Variants in UBLCP1 observed in about 807,000 individuals in gnomAD.
The protein encoded by UBLCP1 is ubiquitin like domain containing CTD phosphatase 1.
A neutral mutation model predicts 42.4 loss-of-function variants in UBLCP1; 28 were observed. That is an observed-to-expected ratio of 0.66 (90% CI 0.49 to 0.90). The LOEUF is 0.90. Ranked by LOEUF, UBLCP1 falls within the 40% of genes least tolerant of loss-of-function variation. The pLI is 0.00. For synonymous variants in UBLCP1, 122 were observed against 120.8 expected, an observed-to-expected ratio of 1.01 and a Z score of -0.07; for missense variants, 279 against 374.5, an observed-to-expected ratio of 0.75 and a Z score of 2.10.
In UBLCP1 at chr5:159,277,220, C is replaced by CA. The variant is rs763877791; in HGVS notation, c.685-1009dup. Among the ~76,000 whole-genome samples the CA allele has an allele frequency of 8.2e-4, 120 of 147,084 alleles. 1 individual carries two copies. Among genetic ancestry groups the CA allele is most frequent in the African/African-American group, 2.6e-3 (105 of 40,140 alleles). On this transcript the variant is annotated intron_variant, in intron 8 of 10. Transcript: ENST00000296786. ...TTTCGGTAGTAAACAAGATCAGTAG[C>CA]AAAAAAAAATCAGGAAAGTAAAATT... is the stretch of plus-strand genomic sequence containing the variant.
chr5:159,268,857 T>A lies in UBLCP1; in HGVS notation c.-46-13T>A. 1.3e-6 allele frequency: 2 copies of A among 1,562,866 alleles called. No individual in the cohort carries two copies. Among genetic ancestry groups the A allele is most frequent in the South Asian group, 2.4e-5 (2 of 84,054 alleles). On this transcript the variant is annotated splice_polypyrimidine_tract_variant and intron_variant, in intron 1 of 10. Coordinates refer to ENST00000296786, the MANE Select transcript of UBLCP1 (RefSeq NM_145049.5). ...ATCTATTTTAACTTGTTCATTTTTGTCTTCCTTTCCAGGTATTTTTTTTTC... is the reference window on the plus strand; with the variant it reads ...ATCTATTTTAACTTGTTCATTTTTGACTTCCTTTCCAGGTATTTTTTTTTC...
At chr5:159,264,723 A>G (rs774875076) in intron 1 of UBLCP1, among the ~76,000 whole-genome samples, 5 of 152,206 alleles carry the variant, frequency 3.3e-5, no homozygotes, top group Non-Finnish European at 7.3e-5. Context: ...ACAGATTCCT[A>G]GGTCCCTTCT....
At chr5:159,264,794 AG>A (rs1489411436) in intron 1 of UBLCP1, among the ~76,000 whole-genome samples, 3 of 152,222 alleles carry the variant, frequency 2.0e-5, no homozygotes, top group Admixed American at 6.5e-5. Flanking sequence ...TCGTTAGCCC[AG>A]GGACCATGCT....
In UBLCP1 at chr5:159,285,196, CCACA is replaced by C. The variant is rs70987962; in HGVS notation, c.*310_*313del. On this transcript the variant is annotated 3_prime_UTR_variant, in exon 11 of 11. Transcript: ENST00000296786. ...GGTTACTGACCACCCCACCCTCCCA[CCACA>C]CACACACACACACACACACACACAC... 0.016 allele frequency: 4,065 copies of C among 251,874 alleles called. 96 individuals are homozygous for C. Among genetic ancestry groups the C allele is most frequent in the African/African-American group, 0.056 (1,712 of 30,730 alleles). The allele number at this position is 251,874 out of a possible 1,614,324, so 15.6% of individuals were successfully genotyped here.
intron 1 of UBLCP1, among the ~76,000 whole-genome samples, chr5:159,265,748 A>C (rs1016698057): frequency 6.6e-6 from 1 of 152,108 alleles, no homozygotes; most frequent in African/African-American, 2.4e-5. Flanking sequence ...GCCATGTAAG[A>C]AGTGCTTTTT....
chr5:159,275,473 T>C, intron 8 of UBLCP1: 5 of 287,938 alleles, frequency 1.7e-5, no homozygotes, highest in South Asian at 3.7e-5. Context: ...AGTGCAGTGG[T>C]GCAATCTCGC....
At chr5:159,264,754 T>C (rs556230762) in intron 1 of UBLCP1, among the ~76,000 whole-genome samples, 1 of 152,342 alleles carries the variant, frequency 6.6e-6, no homozygotes, top group South Asian at 2.1e-4. Context: ...ATTACATTTC[T>C]ACCAAATTAC....
chr5:159,277,064 T>G (rs1753548290), intron 8 of UBLCP1, among the ~76,000 whole-genome samples: 1 of 152,150 alleles, frequency 6.6e-6, no homozygotes, highest in African/African-American at 2.4e-5. Flanking sequence ...ATTCTGGATG[T>G]CATAAAAAAT....
In UBLCP1 at chr5:159,285,736, G is replaced by A. The variant is rs1201490316; in HGVS notation, c.*805G>A. The A allele has an allele frequency of 3.3e-5, 5 of 152,456 alleles. No homozygotes were observed. The highest frequency in any genetic ancestry group is 1.2e-4 in the African/African-American group (5 of 41,424). The allele number at this position is 152,456 out of a possible 1,614,324, so 9.4% of individuals were successfully genotyped here. A position where few individuals can be genotyped will look rare whatever the true frequency, so the allele number is the denominator to read the frequency against. On this transcript the variant is annotated 3_prime_UTR_variant, in exon 11 of 11. Transcript: ENST00000296786. Reference sequence around the variant, plus strand: ...TTAAAGGCAATAAATTTTTAAAAGGGACATATCACTGATTCATTCCTAAAA... The same window carrying A: ...TTAAAGGCAATAAATTTTTAAAAGGAACATATCACTGATTCATTCCTAAAA...
At chr5:159,264,506 C>A (rs1005380568) in intron 1 of UBLCP1, among the ~76,000 whole-genome samples, 1 of 152,188 alleles carries the variant, frequency 6.6e-6, no homozygotes, top group Non-Finnish European at 1.5e-5. Context: ...GTGTTTGTTT[C>A]GCTTGGCCCT....
Position 159,283,192 on chromosome 5 carries a change from T to C in UBLCP1, c.802-20T>C. 1 of 1,596,608 alleles carries C rather than the reference T, an allele frequency of 6.3e-7. No homozygotes were observed. On this transcript the variant is annotated intron_variant, in intron 9 of 10. Coordinates refer to ENST00000296786, the MANE Select transcript of UBLCP1 (RefSeq NM_145049.5). ...CCTTATCACATTGTGATGTGTTGAG[T>C]AATGTTTGTTTCCTAATAGATAAGG...
At chr5:159,271,781 T>C (rs1170412271) in intron 5 of UBLCP1, among the ~76,000 whole-genome samples, 1 of 152,240 alleles carries the variant, frequency 6.6e-6, no homozygotes, top group Admixed American at 6.5e-5. Flanking sequence ...TACTTAAGCC[T>C]GAATTTTCAG....
rs777615743 is a variant in UBLCP1, at chr5:159,268,867, C to T, written c.-46-3C>T. The T allele has an allele frequency of 6.3e-7, 1 of 1,575,308 alleles. No individual in the cohort carries two copies. The highest frequency in any genetic ancestry group is 1.4e-5 in the African/African-American group (1 of 72,574). ...ACTTGTTCATTTTTGTCTTCCTTTC[C>T]AGGTATTTTTTTTTCTGAAGGAAAG... On this transcript the variant is annotated splice_polypyrimidine_tract_variant and splice_region_variant and intron_variant, in intron 1 of 10. Coordinates refer to ENST00000296786, the MANE Select transcript of UBLCP1 (RefSeq NM_145049.5).
intron 6 of UBLCP1, among the ~76,000 whole-genome samples, chr5:159,272,542 T>C (rs904753949): frequency 6.6e-6 from 1 of 152,158 alleles, no homozygotes; most frequent in Non-Finnish European, 1.5e-5. Context: ...CATAAGCCAA[T>C]GTGCCCAGCC....
chr5:159,279,356 T>TA (rs1753578767), intron 9 of UBLCP1, among the ~76,000 whole-genome samples: 1 of 152,230 alleles, frequency 6.6e-6, no homozygotes, highest in African/African-American at 2.4e-5. Flanking sequence ...ATTTGAAATT[T>TA]AAAAGTTTCT....
rs1192482145 is a variant in UBLCP1, at chr5:159,268,952, GAGT to G, written c.39_41del (p.Glu13_Tyr14delinsAsp). ...TATCATTGTAAAATGGGGTGGACAG[GAGT>G]ATTCAGTGACCACACTTTCAGAAGA... On this transcript the variant is annotated inframe_deletion, in exon 2 of 11. Coordinates refer to ENST00000296786, the MANE Select transcript of UBLCP1 (RefSeq NM_145049.5). 6.2e-7 allele frequency: 1 copy of G among 1,611,964 alleles called. No individual in the cohort carries two copies. The highest frequency in any genetic ancestry group is 1.7e-5 in the Admixed American group (1 of 59,698).
Position 159,269,011 on chromosome 5 carries a change from C to T in UBLCP1, c.96C>T (p.Leu32=), listed in dbSNP as rs750949362. ...DDTVLDLKQF[L]KTLTGVLPER... The stretch of plus-strand genomic sequence containing the variant: ...CTGTGCTCGATCTCAAACAGTTTCT[C>T]AAGACCCTTACAGGAGTTCTTCCAG... Residue 32 remains leucine (L), a synonymous_variant, in exon 2 of 11, where the codon CTC becomes CTT. Coordinates refer to ENST00000296786, the MANE Select transcript of UBLCP1 (RefSeq NM_145049.5). The T allele has an allele frequency of 3.1e-6, 5 of 1,610,848 alleles. No individual in the cohort carries two copies. The Admixed American group carries it at 6.7e-5, about 22-fold the overall frequency.
At position 159,285,244 on chromosome 5, in the gene UBLCP1, A is replaced by ACACACACAC. The variant is rs1491169745; in HGVS notation, c.*313_*314insCACACACAC. 8 of 137,590 alleles carry ACACACACAC rather than the reference A, an allele frequency of 5.8e-5. No homozygotes were observed. The highest frequency in any genetic ancestry group is 2.9e-4 in the South Asian group (2 of 6,954). The allele number at this position is 137,590 out of a possible 1,614,324, so 8.5% of individuals were successfully genotyped here. ...CACACACACACACACACACACACAC[A>ACACACACAC]AAGTGGAGAAAAATGTATACTCAAC... On this transcript the variant is annotated 3_prime_UTR_variant, in exon 11 of 11. Transcript: ENST00000296786.
intron 1 of UBLCP1, among the ~76,000 whole-genome samples, chr5:159,263,565 G>A (rs1753331089): frequency 6.6e-6 from 1 of 152,216 alleles, no homozygotes; most frequent in African/African-American, 2.4e-5. Context: ...TAGCCTATTT[G>A]GAGGGCTTTC....
Sources: gnomAD v4.1 joint callset for allele counts (sites outside exome capture counted in the v4.1 genomes callset) on GRCh38, gnomAD v4.1.1 for gene constraint, MANE v1.5 for transcripts, NCBI Gene and HGNC (gene_info 2026-07-23, HGNC 2026-07-21) for gene names.